The following FSTL5 variants were observed in gnomAD, a reference collection of about 807,000 sequenced individuals.
FSTL5 encodes follistatin-related protein 5.
In FSTL5, 62 loss-of-function variants were observed where a neutral mutation model predicts 89.1. That is an observed-to-expected ratio of 0.70 (90% CI 0.57 to 0.86). FSTL5 has a LOEUF of 0.86. FSTL5 is among the 40% of genes least tolerant of loss of function. The pLI is 0.00. For missense variants in FSTL5, 1,057 were observed against 1,001.6 expected (o/e 1.06, Z -0.75); for synonymous variants, 383 against 346.2 (o/e 1.11, Z -1.18).
At chr4:162,114,630 T>A (rs1280530827) in intron 1 of FSTL5, among the ~76,000 whole-genome samples, 1 of 152,034 alleles carries the variant, frequency 6.6e-6, no homozygotes, top group Non-Finnish European at 1.5e-5. Flanking sequence ...AACAACTAAC[T>A]TTAATAAGTT....
chr4:162,107,291 T>C (rs925514836), intron 2 of FSTL5, among the ~76,000 whole-genome samples: 2 of 152,132 alleles, frequency 1.3e-5, no homozygotes, highest in African/African-American at 4.8e-5. Flanking sequence ...GTTTACAAAA[T>C]AGCAATAAAA....
chr4:161,789,003 G>T (rs1306171882), intron 4 of FSTL5, among the ~76,000 whole-genome samples: 1 of 152,006 alleles, frequency 6.6e-6, no homozygotes, highest in Non-Finnish European at 1.5e-5. Context: ...CACCAGAATT[G>T]TTTCTTATTT....
chr4:162,141,670 T>A (rs1732752135), intron 1 of FSTL5, among the ~76,000 whole-genome samples: 1 of 152,068 alleles, frequency 6.6e-6, no homozygotes, highest in African/African-American at 2.4e-5. Flanking sequence ...GACAAGCATG[T>A]TTTTGGTGGC....
At chr4:161,775,447 C>T (rs1248244870) in intron 5 of FSTL5, among the ~76,000 whole-genome samples, 2 of 152,140 alleles carry the variant, frequency 1.3e-5, no homozygotes, top group African/African-American at 4.8e-5. Flanking sequence ...TGATTCAACA[C>T]TATCTTAAAT....
At chr4:161,549,374 A>G (rs1196874387) in intron 8 of FSTL5, among the ~76,000 whole-genome samples, 1 of 151,794 alleles carries the variant, frequency 6.6e-6, no homozygotes, top group African/African-American at 2.4e-5. Flanking sequence ...TCAGACAGCT[A>G]TATATAATAT....
intron 15 of FSTL5, among the ~76,000 whole-genome samples, chr4:161,449,679 A>G (rs1421216843): frequency 6.6e-6 from 1 of 152,198 alleles, no homozygotes; most frequent in Non-Finnish European, 1.5e-5. Context: ...TAGGAGAAGA[A>G]ATGGGAAAGG....
At chr4:161,849,398 T>A (rs1200731747) in intron 4 of FSTL5, among the ~76,000 whole-genome samples, 1 of 151,982 alleles carries the variant, frequency 6.6e-6, no homozygotes, top group East Asian at 1.9e-4. Context: ...TCACACTGGT[T>A]AAAACTGCCG....
chr4:161,941,782 C>T (rs1402548896), intron 3 of FSTL5, among the ~76,000 whole-genome samples: 4 of 151,784 alleles, frequency 2.6e-5, no homozygotes, highest in Non-Finnish European at 5.9e-5. Context: ...CACTACAAAC[C>T]TAATAGACCT....
intron 4 of FSTL5, among the ~76,000 whole-genome samples, chr4:161,857,964 A>C (rs1286501628): frequency 6.6e-6 from 1 of 152,134 alleles, no homozygotes; most frequent in Non-Finnish European, 1.5e-5. Flanking sequence ...TCTGGGCAAC[A>C]ATTTAAGTTC....
chr4:161,421,700 C>T (rs557837281), intron 15 of FSTL5, among the ~76,000 whole-genome samples: 8 of 152,276 alleles, frequency 5.3e-5, no homozygotes, highest in Non-Finnish European at 7.4e-5. Flanking sequence ...ATGGCTCTCC[C>T]TAATGTGGGT....
chr4:162,005,442 C>G (rs1736589018), intron 3 of FSTL5, among the ~76,000 whole-genome samples: 2 of 151,988 alleles, frequency 1.3e-5, no homozygotes, highest in African/African-American at 2.4e-5. Flanking sequence ...TTATTTTATG[C>G]ATTATTGAAT....
chr4:161,981,923 T>G (rs1215316152), intron 3 of FSTL5, among the ~76,000 whole-genome samples: 1 of 152,214 alleles, frequency 6.6e-6, no homozygotes, highest in Non-Finnish European at 1.5e-5. Context: ...ATAACTTTAG[T>G]TACCTCAAAT....
intron 9 of FSTL5, 71 bp from the exon 10 acceptor site, chr4:161,538,371 A>C: frequency 2.0e-6 from 3 of 1,516,272 alleles, no homozygotes; most frequent in Non-Finnish European, 2.7e-6. Flanking sequence ...CTGATTACAC[A>C]GTCAAACAGT....
chr4:161,776,201 A>G, intron 4 of FSTL5, 127 bp from the exon 5 acceptor site: 1 of 499,646 alleles, frequency 2.0e-6, no homozygotes, highest in Non-Finnish European at 3.3e-6. Flanking sequence ...CTGGTGTTTT[A>G]CGATTTACAA....
intron 4 of FSTL5, among the ~76,000 whole-genome samples, chr4:161,893,978 C>T (rs1733073050): frequency 6.6e-6 from 1 of 152,162 alleles, no homozygotes; most frequent in South Asian, 2.1e-4. Flanking sequence ...GCCTGAAGAC[C>T]TGGAATTTTG....
At chr4:162,003,562 G>C (rs75097027) in intron 3 of FSTL5, among the ~76,000 whole-genome samples, 10,172 of 152,276 alleles carry the variant, frequency 0.067, 454 homozygotes, top group East Asian at 0.19. Context: ...GCCAGGCAGA[G>C]AGGAAGGTAG....
At chr4:161,580,007 A>T (rs1420003223) in intron 8 of FSTL5, among the ~76,000 whole-genome samples, 2 of 152,142 alleles carry the variant, frequency 1.3e-5, no homozygotes, top group African/African-American at 4.8e-5. Flanking sequence ...GATATTAATT[A>T]CTTTGGACTA....
At chr4:162,106,104 T>C (rs1731215868) in intron 2 of FSTL5, among the ~76,000 whole-genome samples, 2 of 152,220 alleles carry the variant, frequency 1.3e-5, no homozygotes, top group South Asian at 4.1e-4. Flanking sequence ...TACTGTACTA[T>C]CATAAATAGC....
At chr4:161,639,852 T>A (rs1238684144) in intron 7 of FSTL5, among the ~76,000 whole-genome samples, 1 of 152,160 alleles carries the variant, frequency 6.6e-6, no homozygotes, top group Non-Finnish European at 1.5e-5. Flanking sequence ...CAGGTTTAGA[T>A]GAAGAAGTGG....
Sources: gnomAD v4.1 joint callset for allele counts (sites outside exome capture counted in the v4.1 genomes callset) on GRCh38, gnomAD v4.1.1 for gene constraint, MANE v1.5 for transcripts, NCBI Gene and HGNC (gene_info 2026-07-23, HGNC 2026-07-21) for gene names.